PCP2: variants seen among roughly 807,000 people sequenced by gnomAD.
PCP2 encodes the protein Purkinje cell protein 2, also known as Purkinje cell protein 2 homolog.
In PCP2, 21 loss-of-function variants were observed where a neutral mutation model predicts 18.3. The observed-to-expected ratio is 1.14, with a 90% CI of 0.81 to 1.65. The LOEUF is 1.65. PCP2 is among the 40% of genes most tolerant of loss of function. PCP2 has a pLI of 0.00. For missense variants in PCP2, 202 were observed against 201.8 expected, an observed-to-expected ratio of 1.00 and a Z score of 0.00; for synonymous variants, 85 against 77.6, an observed-to-expected ratio of 1.10 and a Z score of -0.50.
At chr19:7,635,650 C>T (rs748117742), upstream of PCP2, among the ~76,000 whole-genome samples, 2 of 151,974 alleles carry the variant, frequency 1.3e-5, no homozygotes, top group African/African-American at 2.4e-5. Flanking sequence ...GAGCTATGAT[C>T]GTGCCACTGC....
At position 7,632,713 on chromosome 19, in the gene PCP2, C is replaced by T. The variant is rs767150890; in HGVS notation, c.166+3G>A. ...TGGACAGCACCCCCGTGCCCATGCT[C>T]ACGGCTCTTGGTGGTCTGGCCCGGC... On this transcript the variant is annotated splice_donor_region_variant and intron_variant, in intron 2 of 3. Transcript: ENST00000311069. The surrounding 1 kb of genome is among the most constrained non-coding windows in gnomAD (Gnocchi z 5.2). 6.4e-7 allele frequency: 1 copy of T among 1,556,458 alleles called. No homozygotes were observed. Among genetic ancestry groups the T allele is most frequent in the Non-Finnish European group, 8.6e-7 (1 of 1,156,202 alleles).
chr19:7,632,741 G>A lies in PCP2; in HGVS notation c.141C>T (p.Ala47=), dbSNP rs757111561. 7.2e-5 allele frequency: 113 copies of A among 1,563,814 alleles called. No individual in the cohort carries two copies. Among genetic ancestry groups the A allele is most frequent in the South Asian group, 2.9e-4 (25 of 85,918 alleles). The part of the protein sequence containing the change: ...RMEGQRCSLQ[A]GPGQTTKSQS... ...GGCTCTTGGTGGTCTGGCCCGGCCC[G>A]GCTTGCAGTGAACAGCGCTGTCCCT... The change falls in exon 2 of 4, where the codon GCC becomes GCT. Residue 47 remains alanine, a synonymous_variant. Transcript: ENST00000311069. The surrounding 1 kb of genome is among the most constrained non-coding windows in gnomAD (Gnocchi z 5.2).
chr19:7,632,727 G>A lies in PCP2; in HGVS notation c.155C>T (p.Thr52Ile), dbSNP rs1475409532. The change falls in exon 2 of 4, where the codon ACC becomes ATC. Residue 52 changes from threonine to isoleucine, a missense_variant. Transcript: ENST00000311069. The surrounding 1 kb of genome is among the most constrained non-coding windows in gnomAD (Gnocchi z 5.2). ...RCSLQAGPGQ[T>I]TKSQSDPTPE... is the part of the protein sequence containing the mutation. The stretch of plus-strand genomic sequence containing the variant: ...GTGCCCATGCTCACGGCTCTTGGTG[G>A]TCTGGCCCGGCCCGGCTTGCAGTGA... 1 of 1,559,908 alleles carries A rather than the reference G, an allele frequency of 6.4e-7. No homozygotes were observed. Among genetic ancestry groups the A allele is most frequent in the South Asian group, 1.2e-5 (1 of 85,802 alleles).
chr19:7,636,697 C>A, upstream of PCP2: 1 of 161,106 alleles, frequency 6.2e-6, no homozygotes, highest in Non-Finnish European at 1.3e-5. Flanking sequence ...TTATCCAAGA[C>A]GGCTGCTGCT....
At chr19:7,631,922 A>G in intron 3 of PCP2, 114 bp from the exon 4 acceptor site, 2 of 1,096,392 alleles carry the variant, frequency 1.8e-6, no homozygotes, top group Non-Finnish European at 2.4e-6. Flanking sequence ...CATTGTGAGC[A>G]CTGGTCTATG....
upstream of PCP2, among the ~76,000 whole-genome samples, chr19:7,636,016 G>A (rs2031517065): frequency 6.6e-6 from 1 of 152,176 alleles, no homozygotes; most frequent in Admixed American, 6.5e-5. Flanking sequence ...TCAAAAGGCT[G>A]CTTCTTCAGA....
Position 7,632,423 on chromosome 19 carries a change from G to C in PCP2, c.261C>G (p.Ser87Arg). ...RMDDQRVTVS[S>R]LPGFQPVGSK... is the part of the protein sequence containing the mutation. ...ACCCCACGGGCTGGAAGCCGGGCAG[G>C]CTGCTGACTGTCACACGTTGGTCAT... Residue 87 changes from serine (S) to arginine (R), a missense_variant, in exon 3 of 4, where the codon AGC becomes AGG. Physicochemically the swap from Ser to Arg is moderately radical, Grantham distance 110 (BLOSUM62 -1). Coordinates refer to ENST00000311069, the MANE Select transcript of PCP2 (RefSeq NM_174895.3). This position sits in a 1 kb window ranked among gnomAD's most constrained non-coding sequence, Gnocchi z 5.2. 6.2e-7 allele frequency: 1 copy of C among 1,613,944 alleles called. No individual in the cohort carries two copies.
chr19:7,633,373 A>C, intron 1 of PCP2, 34 bp downstream of exon 1: 1 of 1,547,942 alleles, frequency 6.5e-7, no homozygotes, highest in Non-Finnish European at 8.8e-7. Flanking sequence ...TGAGACCTTG[A>C]GCTGGGGGTG....
chr19:7,636,984 A>G, upstream of PCP2: 1 of 652,382 alleles, frequency 1.5e-6, no homozygotes, highest in East Asian at 4.0e-5. Context: ...CCTCCCCGCC[A>G]GGGACTCAAC....
At position 7,633,568 on chromosome 19, in the gene PCP2, C is replaced by T; in HGVS notation, c.-111G>A. 1.9e-6 allele frequency: 2 copies of T among 1,040,030 alleles called. No individual in the cohort carries two copies. The highest frequency in any genetic ancestry group is 2.9e-6 in the Non-Finnish European group (2 of 695,056). 64.4% of individuals were successfully genotyped at this position (1,040,030 alleles called of 1,614,324 possible). ...TGTGGATTCCCCCCATCCCCAAATC[C>T]CCAGCTCATGCCCCATCTGCTCCCA... On this transcript the variant is annotated 5_prime_UTR_variant, in exon 1 of 4. Transcript: ENST00000311069.
chr19:7,632,083 G>A lies in PCP2; in HGVS notation c.292-275C>T, dbSNP rs2031336337. ...ACAGATGTATATATCCTATGTGTGA[G>A]CTTACGTGACTTCCTCCCTGGGATA... On this transcript the variant is annotated intron_variant, in intron 3 of 3. Transcript: ENST00000311069. This position sits in a 1 kb window ranked among gnomAD's most constrained non-coding sequence, Gnocchi z 5.2. 3.6e-6 allele frequency: 2 copies of A among 555,534 alleles called. No individual in the cohort carries two copies. Among genetic ancestry groups the A allele is most frequent in the Non-Finnish European group, 6.3e-6 (2 of 316,082 alleles). The allele number at this position is 555,534 out of a possible 1,614,324, so 34.4% of individuals were successfully genotyped here.
upstream of PCP2, chr19:7,636,956 G>A (rs2031558215): frequency 4.2e-6 from 2 of 472,774 alleles, no homozygotes; most frequent in Non-Finnish European, 6.8e-6. Context: ...GCTCGGCAGC[G>A]CGGACGCACC....
chr19:7,633,410 G>T lies in PCP2; in HGVS notation c.48C>A (p.Ala16=). Reference sequence around the variant, plus strand: ...GGTGGGGGCAGGGCCCTCTCACCTCGGCACAGGGGCCTGAGCCTTCCTCCG... The same window carrying T: ...GGTGGGGGCAGGGCCCTCTCACCTCTGCACAGGGGCCTGAGCCTTCCTCCG... ...EKTEEGSGPC[A]EAGSPDQEGF... is the part of the protein sequence containing the mutation. Residue 16 remains alanine (A), a synonymous_variant, in exon 1 of 4, where the codon GCC becomes GCA. Coordinates refer to ENST00000311069, the MANE Select transcript of PCP2 (RefSeq NM_174895.3). 1 of 1,570,454 alleles carries T rather than the reference G, an allele frequency of 6.4e-7. No homozygotes were observed. Among genetic ancestry groups the T allele is most frequent in the Non-Finnish European group, 8.6e-7 (1 of 1,156,574 alleles).
chr19:7,634,338 A>C (rs567886229), upstream of PCP2, among the ~76,000 whole-genome samples: 1 of 152,266 alleles, frequency 6.6e-6, no homozygotes, highest in East Asian at 1.9e-4. Context: ...AAACCAGTGG[A>C]AGTTTCATCT....
chr19:7,633,172 C>T (rs1342030259), intron 1 of PCP2, among the ~76,000 whole-genome samples: 1 of 152,186 alleles, frequency 6.6e-6, no homozygotes, highest in African/African-American at 2.4e-5. Flanking sequence ...GGCCCAGGAG[C>T]TACCCCCAGG....
chr19:7,631,690 C>T lies in PCP2; in HGVS notation c.410G>A (p.Ter137=), dbSNP rs753947010. 115 of 1,454,296 alleles carry T rather than the reference C, an allele frequency of 7.9e-5. No homozygotes were observed. Among genetic ancestry groups the T allele is most frequent in the Non-Finnish European group, 8.8e-5 (97 of 1,102,490 alleles). 90.1% of individuals were successfully genotyped at this position (1,454,296 alleles called of 1,614,324 possible). ...SSPQPPTQAP[*] ...TGAGACCCAGGATGCCTCAGGCCCT[C>T]AGGGGGCTTGTGTCGGGGGCTGGGG... Residue 137 remains the stop codon, a stop_retained_variant, in exon 4 of 4, where the codon TGA becomes TAA. Coordinates refer to ENST00000311069, the MANE Select transcript of PCP2 (RefSeq NM_174895.3).
upstream of PCP2, among the ~76,000 whole-genome samples, chr19:7,634,976 C>A (rs2031470375): frequency 6.6e-6 from 1 of 152,232 alleles, no homozygotes; most frequent in Non-Finnish European, 1.5e-5. Context: ...TACAAGGACA[C>A]CAGTGATATT....
Position 7,633,625 on chromosome 19 carries a change from A to G in PCP2, c.-168T>C, listed in dbSNP as rs2031427650. 2 of 663,792 alleles carry G rather than the reference A, an allele frequency of 3.0e-6. No individual in the cohort carries two copies. The highest frequency in any genetic ancestry group is 5.1e-6 in the Non-Finnish European group (2 of 392,464). 41.1% of individuals were successfully genotyped at this position (663,792 alleles called of 1,614,324 possible). On this transcript the variant is annotated 5_prime_UTR_variant, in exon 1 of 4. Coordinates refer to ENST00000311069, the MANE Select transcript of PCP2 (RefSeq NM_174895.3). ...CTTAAGCCCCATAAAGATCATCCAGATAATTGTTTGCCCACAACGATGCTG... is the reference window on the plus strand; with the variant it reads ...CTTAAGCCCCATAAAGATCATCCAGGTAATTGTTTGCCCACAACGATGCTG...
At chr19:7,635,759 G>A (rs2031505528), upstream of PCP2, among the ~76,000 whole-genome samples, 1 of 152,004 alleles carries the variant, frequency 6.6e-6, no homozygotes, top group Non-Finnish European at 1.5e-5. Context: ...AAGGGAAAAG[G>A]AAAGGAAAGG....
Sources: gnomAD v4.1 joint callset for allele counts (sites outside exome capture counted in the v4.1 genomes callset) on GRCh38, gnomAD v4.1.1 for gene constraint, Gnocchi (gnomAD v3.1) non-coding constraint, MANE v1.5 for transcripts, NCBI Gene and HGNC (gene_info 2026-07-23, HGNC 2026-07-21) for gene names.